SLC24A2: variants seen among roughly 807,000 people sequenced by gnomAD.
SLC24A2 encodes the protein solute carrier family 24 member 2, also known as sodium/potassium/calcium exchanger 2.
Under a neutral mutation model 62.0 loss-of-function variants are expected in SLC24A2, and 36 were observed. That is an observed-to-expected ratio of 0.58 (90% CI 0.44 to 0.77). The LOEUF (loss-of-function observed/expected upper bound fraction) is 0.77. SLC24A2 is among the 30% of genes least tolerant of loss of function. SLC24A2 has a pLI of 0.00. For missense variants in SLC24A2, 846 were observed against 817.9 expected, an observed-to-expected ratio of 1.03 and a Z score of -0.42; for synonymous variants, 358 against 294.0, an observed-to-expected ratio of 1.22 and a Z score of -2.23.
At chr9:19,648,675 C>A (rs541320596) in intron 2 of SLC24A2, among the ~76,000 whole-genome samples, 1 of 151,996 alleles carries the variant, frequency 6.6e-6, no homozygotes, top group Non-Finnish European at 1.5e-5. Flanking sequence ...CAGGAGGAAC[C>A]GAGGTAAACA....
the SLC24A2 span, among the ~76,000 whole-genome samples, chr9:20,099,593 A>T: frequency 6.6e-6 from 1 of 152,160 alleles, no homozygotes; most frequent in Non-Finnish European, 1.5e-5. Flanking sequence ...TTGTGCTTGT[A>T]TTAAAGGCCA....
At chr9:20,146,683 T>A in the SLC24A2 span, among the ~76,000 whole-genome samples, 1 of 152,028 alleles carries the variant, frequency 6.6e-6, no homozygotes, top group Non-Finnish European at 1.5e-5. Context: ...TGGGGCCTGC[T>A]GAAAGACACC....
chr9:19,562,657 T>A (rs571143977), intron 7 of SLC24A2, among the ~76,000 whole-genome samples: 1 of 152,138 alleles, frequency 6.6e-6, no homozygotes, highest in Non-Finnish European at 1.5e-5. Flanking sequence ...AGAAAAAAAA[T>A]TGCCTTCAGA....
the SLC24A2 span, among the ~76,000 whole-genome samples, chr9:20,207,074 A>G: frequency 6.6e-6 from 1 of 152,192 alleles, no homozygotes; most frequent in African/African-American, 2.4e-5. Flanking sequence ...AGTACCTAGT[A>G]TTTAGTAAAT....
At position 19,512,791 on chromosome 9, in the gene SLC24A2, T is replaced by C. The variant is rs947059461; in HGVS notation, c.*3362A>G. The C allele has an allele frequency of 1.3e-5, 2 of 152,180 alleles. No individual in the cohort carries two copies. The highest frequency in any genetic ancestry group is 2.4e-5 in the African/African-American group (1 of 41,428). 9.4% of individuals were successfully genotyped at this position (152,180 alleles called of 1,614,324 possible). On this transcript the variant is annotated 3_prime_UTR_variant, in exon 11 of 11. Coordinates refer to ENST00000341998, the MANE Select transcript of SLC24A2 (RefSeq NM_020344.4). Reference sequence around the variant, plus strand: ...TGAATTGTTGATATCTTTTATACCCTGCTCCAGAGAAGCAAAGAGAGTATC... The same window carrying C: ...TGAATTGTTGATATCTTTTATACCCCGCTCCAGAGAAGCAAAGAGAGTATC...
At chr9:20,196,544 G>A in the SLC24A2 span, among the ~76,000 whole-genome samples, 1 of 152,106 alleles carries the variant, frequency 6.6e-6, no homozygotes, top group Non-Finnish European at 1.5e-5. Context: ...AGATTCAGTG[G>A]CTCTGAGCCA....
Position 19,786,052 on chromosome 9 carries a change from G to A in SLC24A2, c.815C>T (p.Ala272Val), listed in dbSNP as rs374744918. 6.2e-7 allele frequency: 1 copy of A among 1,614,160 alleles called. No homozygotes were observed. Among genetic ancestry groups the A allele is most frequent in the Non-Finnish European group, 8.5e-7 (1 of 1,180,010 alleles). The change falls in exon 2 of 11, where the codon GCT (alanine) becomes GTT (valine). Residue 272 changes from alanine to valine, a missense_variant. Transcript: ENST00000341998. This position sits in a 1 kb window ranked among gnomAD's most constrained non-coding sequence, Gnocchi z 5.0. The part of the protein sequence containing the change: ...MWWESLLLLT[A>V]YFCYVVFMKF... ...CATGAAAACCACATAGCAAAAATAA[G>A]CTGTTAAGAGAAGCAAGCTTTCCCA...
intron 5 of SLC24A2, among the ~76,000 whole-genome samples, chr9:19,594,453 T>A (rs1348297521): frequency 6.6e-6 from 1 of 152,168 alleles, no homozygotes; most frequent in Non-Finnish European, 1.5e-5. Flanking sequence ...TTCCATTTGG[T>A]CCACTTAGGG....
At chr9:19,646,708 A>G (rs1178610007) in intron 2 of SLC24A2, among the ~76,000 whole-genome samples, 2 of 152,104 alleles carry the variant, frequency 1.3e-5, no homozygotes, top group Non-Finnish European at 2.9e-5. Flanking sequence ...CCCTCTTCCC[A>G]CAATATTACT....
At chr9:19,593,149 C>T (rs913360655) in intron 5 of SLC24A2, among the ~76,000 whole-genome samples, 1 of 152,234 alleles carries the variant, frequency 6.6e-6, no homozygotes, top group Non-Finnish European at 1.5e-5. Context: ...TTTATGAATT[C>T]TGCCTGCCCT....
At chr9:19,618,817 T>A (rs1011777931) in intron 4 of SLC24A2, among the ~76,000 whole-genome samples, 1 of 152,188 alleles carries the variant, frequency 6.6e-6, no homozygotes, top group Admixed American at 6.5e-5. Context: ...TTGGTTATAT[T>A]TGAACCCCTT....
the SLC24A2 span, among the ~76,000 whole-genome samples, chr9:19,842,825 A>G: frequency 6.6e-6 from 1 of 152,188 alleles, no homozygotes; most frequent in Non-Finnish European, 1.5e-5. Context: ...CCATTCTTCA[A>G]ACACAGCTCA....
At chr9:19,557,605 G>T (rs565582348) in intron 7 of SLC24A2, among the ~76,000 whole-genome samples, 1 of 152,240 alleles carries the variant, frequency 6.6e-6, no homozygotes, top group Non-Finnish European at 1.5e-5. Flanking sequence ...GGGCCAGCTA[G>T]TCAAGGCATG....
chr9:19,976,609 T>C, the SLC24A2 span, among the ~76,000 whole-genome samples: 4 of 152,210 alleles, frequency 2.6e-5, no homozygotes, highest in African/African-American at 7.2e-5. Flanking sequence ...TAGTTCTTTA[T>C]AGCAGTGTGA....
intron 2 of SLC24A2, among the ~76,000 whole-genome samples, chr9:19,637,747 G>A (rs1382088376): frequency 6.6e-6 from 1 of 152,206 alleles, no homozygotes; most frequent in Non-Finnish European, 1.5e-5. Context: ...GCAACCGGAT[G>A]GTGTAAAGAC....
chr9:19,529,802 G>C (rs1354736217), intron 8 of SLC24A2, among the ~76,000 whole-genome samples: 1 of 149,362 alleles, frequency 6.7e-6, no homozygotes, highest in Non-Finnish European at 1.5e-5. Context: ...CCAGGCTGGA[G>C]TGCAGTGGCA....
chr9:19,917,054 A>T, the SLC24A2 span, among the ~76,000 whole-genome samples: 1 of 123,436 alleles, frequency 8.1e-6, no homozygotes, highest in Non-Finnish European at 1.6e-5. Flanking sequence ...TGGAAGCTTC[A>T]GATTTTCCTT....
the SLC24A2 span, among the ~76,000 whole-genome samples, chr9:20,248,136 A>T: frequency 6.6e-6 from 1 of 152,152 alleles, no homozygotes; most frequent in Non-Finnish European, 1.5e-5. Context: ...ACAGTTTCTG[A>T]TTCCTGAGTT....
At chr9:20,041,987 T>C in the SLC24A2 span, among the ~76,000 whole-genome samples, 1 of 152,338 alleles carries the variant, frequency 6.6e-6, no homozygotes, top group South Asian at 2.1e-4. Context: ...CTACAAGCGC[T>C]ACCATGAGAC....
Sources: allele counts gnomAD v4.1 joint callset (sites outside exome capture counted in the v4.1 genomes callset), GRCh38; gene constraint gnomAD v4.1.1; non-coding constraint Gnocchi (gnomAD v3.1); transcripts MANE v1.5; gene names NCBI Gene and HGNC (gene_info 2026-07-23, HGNC 2026-07-21).